The following DLG2 variants were observed in gnomAD, a reference collection of about 807,000 sequenced individuals.
DLG2 encodes discs large MAGUK scaffold protein 2.
In DLG2, 45 loss-of-function variants were observed where a neutral mutation model predicts 132.5. That is an observed-to-expected ratio of 0.34 (90% CI 0.27 to 0.44). DLG2 has a LOEUF of 0.44. Ranked by LOEUF, DLG2 falls within the 20% of genes least tolerant of loss-of-function variation. The pLI, the probability that DLG2 is intolerant of heterozygous loss-of-function variation, is 1.00. For synonymous variants in DLG2, 424 were observed against 419.6 expected (o/e 1.01, Z -0.13); for missense variants, 1,045 against 1,196.9 (o/e 0.87, Z 1.87).
intron 6 of DLG2, among the ~76,000 whole-genome samples, chr11:84,639,256 C>T (rs2099648188): frequency 6.6e-6 from 1 of 151,330 alleles, no homozygotes; most frequent in African/African-American, 2.4e-5. Context: ...GTTCAACTAG[C>T]CATACTTTTT....
Position 85,154,651 on chromosome 11 carries a change from G to A in DLG2, c.187C>T (p.Leu63Phe). The A allele has an allele frequency of 6.8e-7, 1 of 1,461,748 alleles. No individual in the cohort carries two copies. Among genetic ancestry groups the A allele is most frequent in the African/African-American group, 1.4e-5 (1 of 70,498 alleles). 90.5% of individuals were successfully genotyped at this position (1,461,748 alleles called of 1,614,324 possible). A position where few individuals can be genotyped will look rare whatever the true frequency, so the allele number is the denominator to read the frequency against. The stretch of plus-strand genomic sequence containing the variant: ...TCCTTTGATCCACTGCAATCTGTAA[G>A]CTAAAATAAAAGTTTAAAAAATCAA... ...CHDRLQKSSE[L>F]TDCSGSKENA... The change falls in exon 5 of 28, where the codon CTT (leucine) becomes TTT (phenylalanine). Residue 63 changes from leucine (L) to phenylalanine (F), a missense_variant and splice_region_variant. Leu to Phe is a conservative substitution (Grantham distance 22). Coordinates refer to ENST00000376104, the MANE Select transcript of DLG2 (RefSeq NM_001142699.3).
intron 19 of DLG2, among the ~76,000 whole-genome samples, chr11:83,626,115 C>A (rs1008243511): frequency 6.6e-6 from 1 of 152,136 alleles, no homozygotes; most frequent in Non-Finnish European, 1.5e-5. Flanking sequence ...AATACTGATT[C>A]ATTTCAAAAC....
At chr11:84,526,526 G>A (rs2099321014) in intron 7 of DLG2, among the ~76,000 whole-genome samples, 1 of 152,082 alleles carries the variant, frequency 6.6e-6, no homozygotes, top group South Asian at 2.1e-4. Flanking sequence ...AGCTACCAGA[G>A]GTCAACTATG....
chr11:85,053,404 T>C (rs930217746), intron 6 of DLG2, among the ~76,000 whole-genome samples: 1 of 152,114 alleles, frequency 6.6e-6, no homozygotes, highest in Non-Finnish European at 1.5e-5. Flanking sequence ...CCACATAAGA[T>C]GACTGATCCA....
At chr11:85,041,729 C>A (rs926005753) in intron 6 of DLG2, among the ~76,000 whole-genome samples, 1 of 151,800 alleles carries the variant, frequency 6.6e-6, no homozygotes, top group Non-Finnish European at 1.5e-5. Flanking sequence ...GGATGCAAAA[C>A]CAATGACATT....
At chr11:84,094,780 T>C (rs190051374) in intron 10 of DLG2, among the ~76,000 whole-genome samples, 2 of 152,312 alleles carry the variant, frequency 1.3e-5, no homozygotes, top group East Asian at 3.9e-4. Context: ...GGGATTAGCT[T>C]TCAACAGATG....
At chr11:85,366,330 T>C (rs552137287) in intron 3 of DLG2, among the ~76,000 whole-genome samples, 5 of 152,130 alleles carry the variant, frequency 3.3e-5, no homozygotes, top group South Asian at 4.1e-4. Flanking sequence ...CACAACTAAA[T>C]AGAATGTAGC....
At chr11:84,360,370 C>G (rs1398813564) in intron 7 of DLG2, among the ~76,000 whole-genome samples, 2 of 151,920 alleles carry the variant, frequency 1.3e-5, no homozygotes, top group Non-Finnish European at 2.9e-5. Context: ...CCTACTTATA[C>G]TTCCAAGGCT....
chr11:84,009,070 G>A (rs1269420078), intron 11 of DLG2, among the ~76,000 whole-genome samples: 1 of 151,744 alleles, frequency 6.6e-6, no homozygotes, highest in African/African-American at 2.4e-5. Flanking sequence ...AACAAATCAA[G>A]ATTGCTGCTG....
At chr11:85,285,183 G>A (rs1474611700) in intron 4 of DLG2, 37 bp downstream of exon 4, 1 of 1,589,400 alleles carries the variant, frequency 6.3e-7, no homozygotes, top group Non-Finnish European at 8.6e-7. Flanking sequence ...CTAAGTCCTA[G>A]TATTATTCAG....
intron 2 of DLG2, among the ~76,000 whole-genome samples, chr11:85,603,844 G>C (rs573728597): frequency 6.6e-6 from 1 of 152,216 alleles, no homozygotes; most frequent in African/African-American, 2.4e-5. Context: ...TTAAGCCCAG[G>C]AGTTCGAGGC....
chr11:83,804,120 A>T (rs2045259410), intron 17 of DLG2, among the ~76,000 whole-genome samples: 1 of 152,248 alleles, frequency 6.6e-6, no homozygotes, highest in East Asian at 1.9e-4. Context: ...AGTTTAGGCA[A>T]ACTGTGTCAA....
intron 9 of DLG2, among the ~76,000 whole-genome samples, chr11:84,111,774 G>A (rs1419189729): frequency 6.6e-6 from 1 of 152,156 alleles, no homozygotes; most frequent in East Asian, 1.9e-4. Context: ...GGGGAGATGT[G>A]CCATATACAT....
At chr11:84,434,170 A>G (rs2154474501) in intron 7 of DLG2, among the ~76,000 whole-genome samples, 1 of 152,154 alleles carries the variant, frequency 6.6e-6, no homozygotes, top group East Asian at 1.9e-4. Context: ...TGCTACACTT[A>G]ACCAATGATA....
chr11:85,493,076 A>G (rs1169077896), intron 3 of DLG2, among the ~76,000 whole-genome samples: 2 of 152,152 alleles, frequency 1.3e-5, no homozygotes, highest in Admixed American at 6.5e-5. Context: ...CAGGCTAACT[A>G]TAAGTAAAAA....
intron 10 of DLG2, among the ~76,000 whole-genome samples, chr11:84,077,488 C>A (rs927624841): frequency 2.0e-5 from 3 of 152,116 alleles, no homozygotes; most frequent in African/African-American, 7.2e-5. Context: ...TCCTTTTGTA[C>A]ATCTCTATTT....
intron 3 of DLG2, among the ~76,000 whole-genome samples, chr11:85,447,353 T>C (rs2092056251): frequency 6.6e-6 from 1 of 152,200 alleles, no homozygotes; most frequent in African/African-American, 2.4e-5. Context: ...AATGTGACTA[T>C]ATTTAGAGAT....
chr11:83,869,612 C>G (rs557850115), intron 16 of DLG2, among the ~76,000 whole-genome samples: 2 of 152,306 alleles, frequency 1.3e-5, no homozygotes, highest in African/African-American at 4.8e-5. Flanking sequence ...AGGATGGGTT[C>G]CCTTAGATCT....
At position 83,887,368 on chromosome 11, in the gene DLG2, C is replaced by G. The variant is rs1472378375; in HGVS notation, c.1497-12880G>C. On this transcript the variant is annotated intron_variant, in intron 15 of 27. Coordinates refer to ENST00000376104, the MANE Select transcript of DLG2 (RefSeq NM_001142699.3). ...ATCTAGAAGAAATGGATAAATTCCT[C>G]GACACATACACCCTCCCAAGACTAA... Among the ~76,000 whole-genome samples, 166 of 151,674 alleles carry G rather than the reference C, an allele frequency of 1.1e-3. 1 individual carries two copies. Among genetic ancestry groups the G allele is most frequent in the African/African-American group, 3.7e-3 (154 of 41,326 alleles).
Sources: allele counts gnomAD v4.1 joint callset (sites outside exome capture counted in the v4.1 genomes callset), GRCh38; gene constraint gnomAD v4.1.1; transcripts MANE v1.5; gene names NCBI Gene and HGNC (gene_info 2026-07-23, HGNC 2026-07-21).